The following CDIN1 variants were observed in gnomAD, a reference collection of about 807,000 sequenced individuals.
CDIN1 encodes CDAN1-interacting nuclease 1.
In CDIN1, 33 loss-of-function variants were observed where a neutral mutation model predicts 45.3. The ratio of observed to expected loss-of-function variants is 0.73; its 90% CI spans 0.55 to 0.97. The LOEUF is 0.97. Ranked by LOEUF, CDIN1 falls within the 50% of genes least tolerant of loss-of-function variation. The probability of loss-of-function intolerance (pLI) is 0.00; values close to 1 mark genes in which losing one functional copy is unlikely to be tolerated. For missense variants in CDIN1, 303 were observed against 339.4 expected (o/e 0.89, Z 0.84); for synonymous variants, 118 against 124.4 (o/e 0.95, Z 0.34).
At chr15:36,720,252 TATTATTTA>T (rs2043361998) in intron 10 of CDIN1, among the ~76,000 whole-genome samples, 1 of 65,558 alleles carries the variant, frequency 1.5e-5, no homozygotes, top group Non-Finnish European at 2.7e-5. Flanking sequence ...ATTTATTATT[TATTATTTA>T]TTTATTTATT....
intron 10 of CDIN1, among the ~76,000 whole-genome samples, chr15:36,765,859 G>A (rs2053910117): frequency 6.6e-6 from 1 of 152,100 alleles, no homozygotes; most frequent in Non-Finnish European, 1.5e-5. Flanking sequence ...AAGTTTTCTA[G>A]TGCTTGCTTT....
chr15:36,770,389 G>A (rs1033341675), intron 10 of CDIN1, among the ~76,000 whole-genome samples: 1 of 151,276 alleles, frequency 6.6e-6, no homozygotes, highest in African/African-American at 2.4e-5. Context: ...GGGAGAGGGA[G>A]AATTCAATCT....
intron 10 of CDIN1, among the ~76,000 whole-genome samples, chr15:36,797,370 G>A (rs1328143119): frequency 6.6e-6 from 1 of 152,152 alleles, no homozygotes; most frequent in East Asian, 1.9e-4. Flanking sequence ...GTAAACAAAA[G>A]CCTACCTAAA....
intron 3 of CDIN1, among the ~76,000 whole-genome samples, chr15:36,651,148 C>T (rs2040560937): frequency 6.6e-6 from 1 of 152,124 alleles, no homozygotes. Context: ...CACATGAATT[C>T]TCCTGGGCAT....
intron 1 of CDIN1, among the ~76,000 whole-genome samples, chr15:36,636,691 G>A (rs184829614): frequency 3.0e-4 from 46 of 152,318 alleles, no homozygotes; most frequent in Admixed American, 1.0e-3. Flanking sequence ...TGTCTTTTGA[G>A]ATTTAAGAAA....
At chr15:36,587,347 T>C (rs1405254251) in intron 1 of CDIN1, among the ~76,000 whole-genome samples, 5 of 152,022 alleles carry the variant, frequency 3.3e-5, no homozygotes, top group African/African-American at 1.2e-4. Context: ...CTTGTTTGAG[T>C]GGTCATCCTG....
intron 5 of CDIN1, among the ~76,000 whole-genome samples, chr15:36,681,266 C>T (rs1475834178): frequency 6.6e-6 from 1 of 151,986 alleles, no homozygotes; most frequent in African/African-American, 2.4e-5. Flanking sequence ...TTGAGAAGCT[C>T]ATTAGCTGAG....
At chr15:36,704,542 A>T (rs2042792247) in intron 8 of CDIN1, 1 of 151,268 alleles carries the variant, frequency 6.6e-6, no homozygotes, top group African/African-American at 2.4e-5. Context: ...GAAGGTCATA[A>T]CTCCAAATAT....
intron 1 of CDIN1, among the ~76,000 whole-genome samples, chr15:36,628,820 G>T (rs149600689): frequency 6.6e-6 from 1 of 152,202 alleles, no homozygotes; most frequent in Non-Finnish European, 1.5e-5. Flanking sequence ...CTTTGCAGAT[G>T]TAATTAACTT....
intron 10 of CDIN1, among the ~76,000 whole-genome samples, chr15:36,725,695 T>C (rs1463231473): frequency 1.3e-5 from 2 of 152,170 alleles, no homozygotes; most frequent in African/African-American, 4.8e-5. Flanking sequence ...ATTTATAAAT[T>C]GATGTTCTAT....
At chr15:36,637,229 AAC>A (rs1235299825) in intron 1 of CDIN1, among the ~76,000 whole-genome samples, 1 of 152,216 alleles carries the variant, frequency 6.6e-6, no homozygotes, top group East Asian at 1.9e-4. Flanking sequence ...TCCCCTCCTT[AAC>A]ACACAAAATT....
chr15:36,767,244 T>C (rs1294213978), intron 10 of CDIN1, among the ~76,000 whole-genome samples: 2 of 152,142 alleles, frequency 1.3e-5, no homozygotes, highest in Admixed American at 1.3e-4. Flanking sequence ...TCCTTCCAAA[T>C]GTGTTACGGT....
chr15:36,712,314 G>A (rs1429372999), intron 10 of CDIN1, among the ~76,000 whole-genome samples: 1 of 130,748 alleles, frequency 7.6e-6, no homozygotes, highest in Non-Finnish European at 1.6e-5. Flanking sequence ...CATCCAGGGT[G>A]GAGTGCAGTA....
intron 10 of CDIN1, among the ~76,000 whole-genome samples, chr15:36,733,549 A>G (rs1023918172): frequency 6.6e-6 from 1 of 152,076 alleles, no homozygotes; most frequent in African/African-American, 2.4e-5. Context: ...CATTAAGACA[A>G]TACAAGAAGA....
chr15:36,705,465 A>C (rs2042827618), intron 8 of CDIN1: 2 of 152,186 alleles, frequency 1.3e-5, no homozygotes, highest in Non-Finnish European at 2.9e-5. Flanking sequence ...GACCAACTGC[A>C]ACTTGGTTGA....
At chr15:36,788,096 ATATATATATATTTTTTTT>A (rs1289264486) in intron 10 of CDIN1, among the ~76,000 whole-genome samples, 3 of 34,470 alleles carry the variant, frequency 8.7e-5, no homozygotes, top group African/African-American at 3.1e-4. Context: ...ATATATATAT[ATATATATATATTTTTTTT>A]TTTTTTTTTT....
chr15:36,688,127 AAAT>A (rs367789992), intron 5 of CDIN1, among the ~76,000 whole-genome samples: 4 of 152,238 alleles, frequency 2.6e-5, no homozygotes, highest in African/African-American at 7.2e-5. Flanking sequence ...GGGAACGAGG[AAAT>A]AATGATGAAA....
intron 10 of CDIN1, among the ~76,000 whole-genome samples, chr15:36,782,568 AAG>A: frequency 6.6e-6 from 1 of 152,238 alleles, no homozygotes; most frequent in Non-Finnish European, 1.5e-5. Context: ...GAGAAAGAGA[AAG>A]AGCTTACGAG....
chr15:36,735,025 A>C (rs1393321725), intron 10 of CDIN1, among the ~76,000 whole-genome samples: 1 of 152,116 alleles, frequency 6.6e-6, no homozygotes, highest in East Asian at 1.9e-4. Context: ...CATTAACTTG[A>C]GTTTCTCAGT....
Sources: gnomAD v4.1 joint callset for allele counts (sites outside exome capture counted in the v4.1 genomes callset) on GRCh38, gnomAD v4.1.1 for gene constraint, MANE v1.5 for transcripts, NCBI Gene and HGNC (gene_info 2026-07-23, HGNC 2026-07-21) for gene names.